Variants in SMC3 observed in about 807,000 individuals in gnomAD.
SMC3 encodes the protein structural maintenance of chromosomes protein 3.
A neutral mutation model predicts 171.8 loss-of-function variants in SMC3; 20 were observed. The observed-to-expected ratio is 0.12, with a 90% confidence interval of 0.08 to 0.17. The LOEUF is 0.17. Among genes scored for constraint, SMC3 ranks in the 10% least tolerant of loss-of-function variants. SMC3 has a pLI of 1.00. For synonymous variants in SMC3, 464 were observed against 451.1 expected, an observed-to-expected ratio of 1.03 and a Z score of -0.36; for missense variants, 543 against 1,420.4, an observed-to-expected ratio of 0.38 and a Z score of 9.93.
Position 110,584,446 on chromosome 10 carries a change from G to A in SMC3, c.1305+50G>A, listed in dbSNP as rs182915645. 1.3e-5 allele frequency: 18 copies of A among 1,346,536 alleles called. 1 individual carries two copies. The highest frequency in any genetic ancestry group is 8.8e-5 in the Admixed American group (5 of 57,118). The allele number at this position is 1,346,536 out of a possible 1,614,324, so 83.4% of individuals were successfully genotyped here. A position where few individuals can be genotyped will look rare whatever the true frequency, so the allele number is the denominator to read the frequency against. On this transcript the variant is annotated intron_variant, in intron 13 of 28. Transcript: ENST00000361804. ...TAAAAATCTTTCAGAAGAGATAAAT[G>A]TGTTTAGTTTTATCTACTTCAAGTT...
rs757314565 is a variant in SMC3 at position 110,584,442 on chromosome 10, A to T, written c.1305+46A>T. 4.3e-6 allele frequency: 6 copies of T among 1,383,256 alleles called. No homozygotes were observed. In the South Asian group the frequency reaches 7.1e-5, roughly 16 times the overall value. 85.7% of individuals were successfully genotyped at this position (1,383,256 alleles called of 1,614,324 possible). A position where few individuals can be genotyped will look rare whatever the true frequency, so the allele number is the denominator to read the frequency against. ...TTTGTAAAAATCTTTCAGAAGAGATAAATGTGTTTAGTTTTATCTACTTCA... is the reference window on the plus strand; with the variant it reads ...TTTGTAAAAATCTTTCAGAAGAGATTAATGTGTTTAGTTTTATCTACTTCA... On this transcript the variant is annotated intron_variant, in intron 13 of 28. Transcript: ENST00000361804.
At chr10:110,575,967 T>G (rs1590550884) in intron 4 of SMC3, among the ~76,000 whole-genome samples, 1 of 152,190 alleles carries the variant, frequency 6.6e-6, no homozygotes, top group African/African-American at 2.4e-5. Flanking sequence ...ATACAAGTTG[T>G]TTGTTGTTTT....
chr10:110,585,636 T>C (rs111704673), intron 13 of SMC3, among the ~76,000 whole-genome samples: 12 of 151,826 alleles, frequency 7.9e-5, no homozygotes, highest in South Asian at 2.1e-4. Context: ...CAGCATCTTA[T>C]GTTACATTTA....
At chr10:110,595,787 A>G (rs188968740) in intron 18 of SMC3, among the ~76,000 whole-genome samples, 2 of 151,624 alleles carry the variant, frequency 1.3e-5, no homozygotes, top group East Asian at 3.9e-4. Context: ...TGGTATTGTT[A>G]TTTTGATGCT....
At position 110,574,713 on chromosome 10, in the gene SMC3, G is replaced by T. The variant is rs551158589; in HGVS notation, c.131-623G>T. Among the ~76,000 whole-genome samples the T allele has an allele frequency of 5.1e-4, 78 of 152,308 alleles. 1 individual carries two copies. Among genetic ancestry groups the T allele is most frequent in the African/African-American group, 1.9e-3 (78 of 41,576 alleles). Reference sequence around the variant, plus strand: ...ACCTCCACACACACACAGTGCCAGAGGTCTCTTGGGTGGACTGGGACAAGA... The same window carrying T: ...ACCTCCACACACACACAGTGCCAGATGTCTCTTGGGTGGACTGGGACAAGA... On this transcript the variant is annotated intron_variant, in intron 3 of 28. Coordinates refer to ENST00000361804, the MANE Select transcript of SMC3 (RefSeq NM_005445.4).
intron 1 of SMC3, chr10:110,568,335 G>C (rs1247956115): frequency 2.8e-5 from 5 of 178,026 alleles, no homozygotes; most frequent in Non-Finnish European, 5.9e-5. Flanking sequence ...CTTCTCCCCA[G>C]TTAACCCGCG....
At chr10:110,582,129 A>G (rs776341686) in intron 9 of SMC3, 31 bp downstream of exon 9, 20 of 1,577,356 alleles carry the variant, frequency 1.3e-5, no homozygotes, top group Non-Finnish European at 1.7e-5. Flanking sequence ...ACTTAAAATC[A>G]GATTAATTTT....
At chr10:110,600,106 C>T (rs183300236) in intron 21 of SMC3, among the ~76,000 whole-genome samples, 6 of 152,278 alleles carry the variant, frequency 3.9e-5, no homozygotes, top group Non-Finnish European at 8.8e-5. Flanking sequence ...ATTTATCTTA[C>T]TGCCTTTACA....
chr10:110,600,350 A>T lies in SMC3; in HGVS notation c.2428-89A>T, dbSNP rs529184323. 145 of 755,046 alleles carry T rather than the reference A, an allele frequency of 1.9e-4. No homozygotes were observed. The African/African-American group carries it at 2.4e-3, about 13-fold the overall frequency. The allele number at this position is 755,046 out of a possible 1,614,324, so 46.8% of individuals were successfully genotyped here. A position where few individuals can be genotyped will look rare whatever the true frequency, so the allele number is the denominator to read the frequency against. On this transcript the variant is annotated intron_variant, in intron 21 of 28. Transcript: ENST00000361804. ...ATTAAACTTCATTTCAGCTCACATG[A>T]GCACAAGTACTAGAGAGGACAGCAA...
At chr10:110,573,870 C>T (rs1590549526) in intron 3 of SMC3, 125 bp downstream of exon 3, 1 of 727,274 alleles carries the variant, frequency 1.4e-6, no homozygotes, top group Admixed American at 2.1e-5. Flanking sequence ...TATGGGGTTG[C>T]AGCTTAGTGT....
In SMC3 at chr10:110,567,797, C is replaced by T. The variant is rs1860795307; in HGVS notation, c.-20C>T. On this transcript the variant is annotated 5_prime_UTR_variant, in exon 1 of 29. Transcript: ENST00000361804. ...TGCTGCTCCGGGGCAGGTCTCCTTCCAGGCCAGGGGCCCGGAATCATGTAC... is the reference window on the plus strand; with the variant it reads ...TGCTGCTCCGGGGCAGGTCTCCTTCTAGGCCAGGGGCCCGGAATCATGTAC... 5.0e-6 allele frequency: 8 copies of T among 1,613,466 alleles called. No individual in the cohort carries two copies. Among genetic ancestry groups the T allele is most frequent in the Non-Finnish European group, 6.8e-6 (8 of 1,179,776 alleles).
intron 20 of SMC3, 105 bp from the exon 21 acceptor site, chr10:110,599,546 TTGA>T: frequency 3.2e-6 from 3 of 946,244 alleles, no homozygotes; most frequent in Non-Finnish European, 4.7e-6. Context: ...AATATTTGAG[TTGA>T]TATGTCTATA....
At chr10:110,593,871 C>T (rs1453177788) in intron 18 of SMC3, among the ~76,000 whole-genome samples, 1 of 151,680 alleles carries the variant, frequency 6.6e-6, no homozygotes, top group Non-Finnish European at 1.5e-5. Context: ...ACCTGTAATC[C>T]CAACAACTCA....
intron 6 of SMC3, among the ~76,000 whole-genome samples, chr10:110,578,262 C>T (rs1291859421): frequency 3.3e-5 from 5 of 151,932 alleles, no homozygotes; most frequent in Non-Finnish European, 5.9e-5. Flanking sequence ...TTAGTAGAGA[C>T]GGGGTTTCAC....
intron 22 of SMC3, 127 bp downstream of exon 22, chr10:110,600,673 G>T: frequency 1.5e-6 from 1 of 685,806 alleles, no homozygotes; most frequent in Admixed American, 2.6e-5. Flanking sequence ...TGTCTTGTGG[G>T]CCTTGGGTTG....
At chr10:110,601,531 A>C in intron 23 of SMC3, 106 bp from the exon 24 acceptor site, 1 of 1,266,280 alleles carries the variant, frequency 7.9e-7, no homozygotes, top group Non-Finnish European at 1.1e-6. Context: ...TTTTAAACAC[A>C]AAACCTAAAA....
chr10:110,579,069 T>A (rs17309539), intron 7 of SMC3, among the ~76,000 whole-genome samples: 1,610 of 152,346 alleles, frequency 0.011, 25 homozygotes, highest in Admixed American at 0.045. Context: ...ATTAAAATAC[T>A]GAAAAGCTAA....
chr10:110,582,970 T>C (rs1861055216), intron 10 of SMC3, among the ~76,000 whole-genome samples: 1 of 144,572 alleles, frequency 6.9e-6, no homozygotes, highest in Admixed American at 7.1e-5. Flanking sequence ...CTCACTCCAT[T>C]GCACAGGCTG....
In SMC3 at chr10:110,584,278, A is replaced by G; in HGVS notation, c.1187A>G (p.Lys396Arg). 34 of 1,614,054 alleles carry G rather than the reference A, an allele frequency of 2.1e-5. No individual in the cohort carries two copies. The highest frequency in any genetic ancestry group is 2.8e-5 in the Non-Finnish European group (33 of 1,179,902). ...AAAGAAGAAAGGGATAAGTGGATTAAAAAGGAACTCAAGTCTTTAGATCAG... is the reference window on the plus strand; with the variant it reads ...AAAGAAGAAAGGGATAAGTGGATTAGAAAGGAACTCAAGTCTTTAGATCAG... ...TSKEERDKWIKKELKSLDQAI... is the reference protein window; with the variant it reads ...TSKEERDKWIRKELKSLDQAI... Residue 396 changes from lysine (K) to arginine (R), a missense_variant, in exon 13 of 29, where the codon AAA becomes AGA. Physicochemically the swap from Lys to Arg is conservative, Grantham distance 26. Coordinates refer to ENST00000361804, the MANE Select transcript of SMC3 (RefSeq NM_005445.4).
Sources: allele counts gnomAD v4.1 joint callset (sites outside exome capture counted in the v4.1 genomes callset), GRCh38; gene constraint gnomAD v4.1.1; transcripts MANE v1.5; gene names NCBI Gene and HGNC (gene_info 2026-07-23, HGNC 2026-07-21).